Variants in MAST3 observed in about 807,000 individuals in gnomAD.
The protein encoded by MAST3 is microtubule associated serine/threonine kinase 3.
MAST3 carries 43 observed loss-of-function variants against 127.0 expected under a neutral mutation model. That is an observed-to-expected ratio of 0.34 (90% CI 0.27 to 0.44). The LOEUF is 0.44. Ranked by LOEUF, MAST3 falls within the 20% of genes least tolerant of loss-of-function variation. The pLI, the probability that MAST3 is intolerant of heterozygous loss-of-function variation, is 1.00. For missense variants in MAST3, 1,390 were observed against 1,919.1 expected (o/e 0.72, Z 5.15); for synonymous variants, 785 against 809.2 (o/e 0.97, Z 0.51).
At chr19:18,138,327 T>C (rs2042098583) in intron 19 of MAST3, among the ~76,000 whole-genome samples, 1 of 151,952 alleles carries the variant, frequency 6.6e-6, no homozygotes, top group South Asian at 2.1e-4. Context: ...CCTGTTTTTT[T>C]TTTTTTTGAG....
In MAST3 at chr19:18,124,188, G is replaced by C; in HGVS notation, c.843+40G>C. ...GCATGTTGAGGTTTTGCATGCAGTG[G>C]GACGTGGAGTGAGGGGGGTCCCCAG... On this transcript the variant is annotated intron_variant, in intron 9 of 27. Coordinates refer to ENST00000687212, the MANE Select transcript of MAST3 (RefSeq NM_001393504.1). 1.9e-6 allele frequency: 3 copies of C among 1,593,554 alleles called. No homozygotes were observed. In the South Asian group the frequency reaches 3.4e-5, roughly 18 times the overall value.
At chr19:18,138,774 C>G (rs545488442) in intron 19 of MAST3, among the ~76,000 whole-genome samples, 38 of 152,208 alleles carry the variant, frequency 2.5e-4, no homozygotes, top group African/African-American at 8.4e-4. Flanking sequence ...GCTGGGATTA[C>G]AGGCGTGAGC....
intron 15 of MAST3, among the ~76,000 whole-genome samples, chr19:18,133,189 A>G (rs1388176347): frequency 1.3e-5 from 2 of 152,146 alleles, no homozygotes; most frequent in African/African-American, 4.8e-5. Flanking sequence ...CACCTGCTGT[A>G]TACTTGGGCC....
At position 18,145,043 on chromosome 19, in the gene MAST3, G is replaced by A. The variant is rs780671940; in HGVS notation, c.2853G>A (p.Pro951=). 2.1e-5 allele frequency: 33 copies of A among 1,604,044 alleles called. No homozygotes were observed. Among genetic ancestry groups the A allele is most frequent in the African/African-American group, 5.5e-5 (4 of 72,962 alleles). Residue 951 remains proline (P), a synonymous_variant, in exon 24 of 28, where the codon CCG becomes CCA. Transcript: ENST00000687212. The surrounding 1 kb of genome is among the most constrained non-coding windows in gnomAD (Gnocchi z 5.9). ...GCCCCCTCATGAGCCCCCTTTCCCC[G>A]CGCTCTCTGTCCTCGAACCCGTCGT... ...SGGPLMSPLS[P]RSLSSNPSSR...
chr19:18,122,948 G>A (rs1350060029), intron 6 of MAST3, among the ~76,000 whole-genome samples, 197 bp downstream of exon 6: 1 of 152,358 alleles, frequency 6.6e-6, no homozygotes, highest in South Asian at 2.1e-4. Flanking sequence ...ATAGTCCCTG[G>A]TTGGGGAGAT....
chr19:18,143,047 G>T (rs1268233413), intron 21 of MAST3, among the ~76,000 whole-genome samples: 4 of 151,366 alleles, frequency 2.6e-5, no homozygotes, highest in African/African-American at 9.7e-5. Flanking sequence ...GGGAGGCGGA[G>T]GTTACAGTGA....
At chr19:18,133,098 TAA>T (rs879533143) in intron 15 of MAST3, among the ~76,000 whole-genome samples, 10 of 136,758 alleles carry the variant, frequency 7.3e-5, no homozygotes, top group Non-Finnish European at 7.9e-5. Context: ...GACTCCATCT[TAA>T]AAAAAAAAAA....
chr19:18,141,795 AT>A (rs2042521356), intron 20 of MAST3, 86 bp from the exon 21 acceptor site: 2 of 1,128,838 alleles, frequency 1.8e-6, no homozygotes, highest in African/African-American at 3.2e-5. Context: ...GGCTCAAGTG[AT>A]CCTCCCAGCT....
At chr19:18,135,890 G>C (rs773721711) in intron 18 of MAST3, 49 bp downstream of exon 18, 22 of 1,447,378 alleles carry the variant, frequency 1.5e-5, no homozygotes, top group Non-Finnish European at 2.0e-5. Flanking sequence ...TCAGGCCCTG[G>C]GACCCAGGGA....
At chr19:18,124,506 G>A in intron 10 of MAST3, 136 bp from the exon 11 acceptor site, 3 of 1,358,016 alleles carry the variant, frequency 2.2e-6, no homozygotes, top group Non-Finnish European at 3.0e-6. Flanking sequence ...GGCTAGCGTG[G>A]GCTTCCCTAA....
intron 1 of MAST3, among the ~76,000 whole-genome samples, chr19:18,105,491 G>A (rs1025610063): frequency 2.0e-5 from 3 of 149,952 alleles, no homozygotes; most frequent in Non-Finnish European, 4.4e-5. Context: ...CTGAGGTCAG[G>A]AGTTCAAGAC....
At position 18,145,115 on chromosome 19, in the gene MAST3, C is replaced by T. The variant is rs756614136; in HGVS notation, c.2925C>T (p.Ser975=). Residue 975 remains serine (S), a synonymous_variant, in exon 24 of 28, where the codon AGC becomes AGT. Coordinates refer to ENST00000687212, the MANE Select transcript of MAST3 (RefSeq NM_001393504.1). This position sits in a 1 kb window ranked among gnomAD's most constrained non-coding sequence, Gnocchi z 5.9. ...GAGACCCGTCCCCCGTGTGTGGCAG[C>T]CTGCGGCCCCCCATCGTTATCCACA... ...PSRDPSPVCG[S]LRPPIVIHSS... 6.2e-7 allele frequency: 1 copy of T among 1,613,798 alleles called. No individual in the cohort carries two copies. Among genetic ancestry groups the T allele is most frequent in the South Asian group, 1.1e-5 (1 of 91,072 alleles).
chr19:18,142,368 T>C (rs2147745484), intron 21 of MAST3, among the ~76,000 whole-genome samples: 1 of 148,044 alleles, frequency 6.8e-6, no homozygotes, highest in Admixed American at 6.7e-5. Context: ...TTTTTTTTTT[T>C]TGAGACGGAG....
Position 18,130,533 on chromosome 19 carries a change from C to T in MAST3, c.1263C>T (p.Arg421=), listed in dbSNP as rs867626456. The change falls in exon 14 of 28, where the codon CGC becomes CGT. Residue 421 remains arginine (R), a synonymous_variant. Transcript: ENST00000687212. ...TGCGGCACCGTGACACACGGCAGCGCTTTGCCATCAAGAAGATCAACAAAC... is the reference window on the plus strand; with the variant it reads ...TGCGGCACCGTGACACACGGCAGCGTTTTGCCATCAAGAAGATCAACAAAC... ...YLVRHRDTRQ[R]FAIKKINKQN... 2 of 1,610,762 alleles carry T rather than the reference C, an allele frequency of 1.2e-6. No homozygotes were observed. The highest frequency in any genetic ancestry group is 1.7e-4 in the Middle Eastern group (1 of 6,060).
Position 18,144,112 on chromosome 19 carries a change from C to CA in MAST3, c.2584+108dup. The stretch of plus-strand genomic sequence containing the variant: ...ATGAGTAGGAGTTCTCCAGAGCCAA[C>CA]AAAGGCTTTAAGAGAGGAGAAGCCA... On this transcript the variant is annotated intron_variant, in intron 22 of 27. Coordinates refer to ENST00000687212, the MANE Select transcript of MAST3 (RefSeq NM_001393504.1). This position sits in a 1 kb window ranked among gnomAD's most constrained non-coding sequence, Gnocchi z 4.0. 6.9e-7 allele frequency: 1 copy of CA among 1,440,890 alleles called. No homozygotes were observed. The highest frequency in any genetic ancestry group is 9.2e-7 in the Non-Finnish European group (1 of 1,086,096). 89.3% of individuals were successfully genotyped at this position (1,440,890 alleles called of 1,614,324 possible).
intron 2 of MAST3, among the ~76,000 whole-genome samples, chr19:18,107,987 C>T (rs550557436): frequency 6.6e-6 from 1 of 152,230 alleles, no homozygotes; most frequent in East Asian, 1.9e-4. Context: ...TTTTGGGGAA[C>T]ACCAGCAGAA....
At chr19:18,128,253 T>C in intron 11 of MAST3, 147 bp from the exon 12 acceptor site, 1 of 598,424 alleles carries the variant, frequency 1.7e-6, no homozygotes, top group Non-Finnish European at 2.9e-6. Context: ...CTCCCGGATG[T>C]GGCTTCATGA....
intron 21 of MAST3, among the ~76,000 whole-genome samples, chr19:18,143,018 A>G (rs2042667959): frequency 6.6e-6 from 1 of 151,222 alleles, no homozygotes; most frequent in Non-Finnish European, 1.5e-5. Context: ...AGGCTTAGGC[A>G]CGAGAATTGC....
intron 13 of MAST3, 126 bp from the exon 14 acceptor site, chr19:18,130,368 G>T: frequency 1.3e-6 from 1 of 787,462 alleles, no homozygotes; most frequent in Non-Finnish European, 2.0e-6. Context: ...AGGAGAATGG[G>T]TGGCCCAGGT....
Sources: gnomAD v4.1 joint callset for allele counts (sites outside exome capture counted in the v4.1 genomes callset) on GRCh38, gnomAD v4.1.1 for gene constraint, Gnocchi (gnomAD v3.1) non-coding constraint, MANE v1.5 for transcripts, NCBI Gene and HGNC (gene_info 2026-07-23, HGNC 2026-07-21) for gene names.